NAT1: variants seen among roughly 807,000 people sequenced by gnomAD.
NAT1 encodes N-acetyltransferase 1, also known as arylamine N-acetyltransferase 1.
For missense variants in NAT1, 400 were observed against 339.2 expected (o/e 1.18, Z -1.41); for synonymous variants, 144 against 122.6 (o/e 1.17, Z -1.16).
rs1274840625 is a variant in NAT1 at position 18,222,273 on chromosome 8, T to C, written c.226T>C (p.Tyr76His). Residue 76 changes from tyrosine (Y) to histidine (H), a missense_variant, in exon 3 of 3, where the codon TAC becomes CAC. Physicochemically the swap from Tyr to His is moderately conservative, Grantham distance 83. Transcript: ENST00000307719. ...GTGTCTCCAGGTCAATCATCTTCTG[T>C]ACTGGGCTCTGACCACTATTGGTTT... ...GWCLQVNHLL[Y>H]WALTTIGFET... 2 of 1,614,006 alleles carry C rather than the reference T, an allele frequency of 1.2e-6. No homozygotes were observed. The highest frequency in any genetic ancestry group is 1.7e-6 in the Non-Finnish European group (2 of 1,180,008).
upstream of NAT1, among the ~76,000 whole-genome samples, chr8:18,206,758 T>G (rs1285200343): frequency 6.6e-6 from 1 of 152,216 alleles, no homozygotes; most frequent in African/African-American, 2.4e-5. Context: ...TCCCATTCTG[T>G]AGGTTATTTG....
Position 18,194,591 on chromosome 8 carries a change from C to G in NAT1, n.93-15190C>G, listed in dbSNP as rs987976051. 3.3e-5 allele frequency among the ~76,000 whole-genome samples: 5 copies of G among 152,138 alleles called. No individual in the cohort carries two copies. The East Asian group carries it at 9.7e-4, about 30-fold the overall frequency. On this transcript the variant is annotated intron_variant and non_coding_transcript_variant, in intron 2 of 4. Coordinates refer to the NAT1 transcript ENST00000517441. ...ATCCCAGTACTTTGGGAGGCTGAGG[C>G]AGGTGATCACTTGAGGTCAGGGGTT... is the stretch of plus-strand genomic sequence containing the variant.
intron 2 of NAT1, among the ~76,000 whole-genome samples, chr8:18,187,483 G>A (rs906394848): frequency 6.6e-6 from 1 of 152,170 alleles, no homozygotes; most frequent in African/African-American, 2.4e-5. Flanking sequence ...TTTTAAAAAT[G>A]TGTATGTGGT....
At position 18,219,266 on chromosome 8, in the gene NAT1, T is replaced by A. The variant is rs182502981; in HGVS notation, c.-85-145T>A. On this transcript the variant is annotated intron_variant, in intron 1 of 2. Transcript: ENST00000307719. Reference sequence around the variant, plus strand: ...TGTAGTTTCCACACACTTATACAACTCAAATGTTCACTTTACTGTGCAGTC... The same window carrying A: ...TGTAGTTTCCACACACTTATACAACACAAATGTTCACTTTACTGTGCAGTC... 103 of 594,274 alleles carry A rather than the reference T, an allele frequency of 1.7e-4. No individual in the cohort carries two copies. In the East Asian group the frequency reaches 2.7e-3, roughly 15 times the overall value. The allele number at this position is 594,274 out of a possible 1,614,324, so 36.8% of individuals were successfully genotyped here. A position where few individuals can be genotyped will look rare whatever the true frequency, so the allele number is the denominator to read the frequency against.
chr8:18,205,974 A>G (rs1457238340), upstream of NAT1, among the ~76,000 whole-genome samples: 1 of 152,168 alleles, frequency 6.6e-6, no homozygotes, highest in East Asian at 1.9e-4. Flanking sequence ...AAAGGCTCCT[A>G]TGGGAGCAAG....
chr8:18,173,119 T>C (rs1802158765), intron 2 of NAT1, among the ~76,000 whole-genome samples: 2 of 150,600 alleles, frequency 1.3e-5, no homozygotes. Flanking sequence ...GGCTGTGACC[T>C]GTTAGAGCAC....
rs771519872 is a variant in NAT1 at position 18,222,787 on chromosome 8, A to T, written c.740A>T (p.Lys247Met). 2.5e-6 allele frequency: 4 copies of T among 1,613,316 alleles called. No individual in the cohort carries two copies. The highest frequency in any genetic ancestry group is 3.4e-6 in the Non-Finnish European group (4 of 1,179,820). ...CTCACCCATAGGAGATTCAATTATA[A>T]GGACAATACAGATCTAATAGAGTTC... ...FTLTHRRFNYKDNTDLIEFKT... is the reference protein window; with the variant it reads ...FTLTHRRFNYMDNTDLIEFKT... The change falls in exon 3 of 3, where the codon AAG becomes ATG. Residue 247 changes from lysine (K) to methionine (M), a missense_variant. Lys to Met is a moderately conservative substitution (Grantham distance 95). Transcript: ENST00000307719.
chr8:18,194,866 A>G lies in NAT1; in HGVS notation n.93-14915A>G, dbSNP rs117011039. 1.6e-4 allele frequency among the ~76,000 whole-genome samples: 25 copies of G among 151,762 alleles called. No homozygotes were observed. The East Asian group carries it at 2.9e-3, about 18-fold the overall frequency. On this transcript the variant is annotated intron_variant and non_coding_transcript_variant, in intron 2 of 4. Transcript: ENST00000517441. ...TCAGGCAGAGGCAGCAGGAATGTGT[A>G]TGTTTCTCTTGTTGGATTCATCGTC...
At chr8:18,192,224 C>G (rs375699300) in intron 2 of NAT1, among the ~76,000 whole-genome samples, 2 of 151,976 alleles carry the variant, frequency 1.3e-5, no homozygotes, top group African/African-American at 4.8e-5. Flanking sequence ...ATGCAGCCAA[C>G]AGACACATGA....
chr8:18,185,482 G>C (rs572586083), intron 2 of NAT1, among the ~76,000 whole-genome samples: 1 of 152,056 alleles, frequency 6.6e-6, no homozygotes, highest in Non-Finnish European at 1.5e-5. Flanking sequence ...CTGCTTCTGA[G>C]TCTGTGACAA....
intron 2 of NAT1, among the ~76,000 whole-genome samples, chr8:18,190,620 G>A (rs1022220052): frequency 7.2e-5 from 11 of 152,202 alleles, no homozygotes; most frequent in Admixed American, 3.9e-4. Context: ...TCTCCAGGAC[G>A]TGGTGGTGAT....
At chr8:18,178,433 T>C (rs1802376842) in intron 2 of NAT1, among the ~76,000 whole-genome samples, 1 of 152,138 alleles carries the variant, frequency 6.6e-6, no homozygotes, top group African/African-American at 2.4e-5. Flanking sequence ...TGAGTTAGAA[T>C]CAACTTGATA....
chr8:18,173,092 T>G (rs1273242862), intron 2 of NAT1, among the ~76,000 whole-genome samples: 2 of 152,076 alleles, frequency 1.3e-5, no homozygotes. Context: ...TGTAGATTTC[T>G]CTGACTGGGC....
chr8:18,184,047 G>A (rs958834285), intron 2 of NAT1, among the ~76,000 whole-genome samples: 1 of 151,892 alleles, frequency 6.6e-6, no homozygotes, highest in Non-Finnish European at 1.5e-5. Flanking sequence ...GCGGGGTGGT[G>A]GGGGGGTCCC....
upstream of NAT1, among the ~76,000 whole-genome samples, chr8:18,208,568 T>C (rs907425348): frequency 1.3e-5 from 2 of 152,128 alleles, no homozygotes; most frequent in African/African-American, 2.4e-5. Context: ...GGTGGCCAAA[T>C]AGAACCTTCC....
chr8:18,189,931 A>T (rs1802913118), intron 2 of NAT1, among the ~76,000 whole-genome samples: 1 of 152,108 alleles, frequency 6.6e-6, no homozygotes, highest in African/African-American at 2.4e-5. Context: ...CTGGGACTAC[A>T]TGCACGTGCC....
chr8:18,188,480 T>G (rs1346976924), intron 2 of NAT1, among the ~76,000 whole-genome samples: 1 of 152,094 alleles, frequency 6.6e-6, no homozygotes, highest in African/African-American at 2.4e-5. Flanking sequence ...AGTTATAACT[T>G]TATTAGCTTT....
upstream of NAT1, among the ~76,000 whole-genome samples, chr8:18,206,381 C>G (rs1412877494): frequency 2.6e-5 from 4 of 152,170 alleles, no homozygotes; most frequent in African/African-American, 9.7e-5. Context: ...TTGGTGGCAG[C>G]TGTTTTACGT....
upstream of NAT1, among the ~76,000 whole-genome samples, chr8:18,208,088 G>A (rs887655292): frequency 6.6e-6 from 1 of 151,948 alleles, no homozygotes; most frequent in Non-Finnish European, 1.5e-5. Flanking sequence ...ACATAGGGAG[G>A]GGAGCAAGAC....
Sources: gnomAD v4.1 joint callset for allele counts (sites outside exome capture counted in the v4.1 genomes callset) on GRCh38, gnomAD v4.1.1 for gene constraint, MANE v1.5 for transcripts, NCBI Gene and HGNC (gene_info 2026-07-23, HGNC 2026-07-21) for gene names.